The following IL7 variants were observed in gnomAD, a reference collection of about 807,000 sequenced individuals.
The protein encoded by IL7 is interleukin-7.
A neutral mutation model predicts 21.6 loss-of-function variants in IL7; 3 were observed. That is an observed-to-expected ratio of 0.14 (90% CI 0.06 to 0.36). IL7 has a LOEUF of 0.36. IL7 is among the 10% of genes least tolerant of loss of function. The probability of loss-of-function intolerance (pLI) is 1.00; values close to 1 mark genes in which losing one functional copy is unlikely to be tolerated. For missense variants in IL7, 175 were observed against 200.2 expected, an observed-to-expected ratio of 0.87 and a Z score of 0.76; for synonymous variants, 62 against 68.1, an observed-to-expected ratio of 0.91 and a Z score of 0.44.
In IL7 at chr8:78,805,222, TG is replaced by T; in HGVS notation, c.-301del. ...GCGCTTGGTCTGCAGGTTCAATCTTTGGGATCATCAGCATGGAATCTTCATT... is the reference window on the plus strand; with the variant it reads ...GCGCTTGGTCTGCAGGTTCAATCTTTGGATCATCAGCATGGAATCTTCATT... On this transcript the variant is annotated 5_prime_UTR_variant, in exon 1 of 6. The change abolishes the stop of an existing upstream ORF in the 5' untranslated region. Transcript: ENST00000263851. 5.8e-6 allele frequency: 2 copies of T among 347,456 alleles called. No individual in the cohort carries two copies. 21.5% of individuals were successfully genotyped at this position (347,456 alleles called of 1,614,324 possible). A position where few individuals can be genotyped will look rare whatever the true frequency, so the allele number is the denominator to read the frequency against.
At chr8:78,769,311 A>C (rs1225009321) in intron 2 of IL7, among the ~76,000 whole-genome samples, 1 of 152,164 alleles carries the variant, frequency 6.6e-6, no homozygotes, top group Non-Finnish European at 1.5e-5. Context: ...AAATCTCCTT[A>C]AGCTGATAGG....
intron 2 of IL7, among the ~76,000 whole-genome samples, chr8:78,795,686 C>T (rs1813830772): frequency 6.6e-6 from 1 of 151,918 alleles, no homozygotes; most frequent in African/African-American, 2.4e-5. Context: ...GTTCTCTGCC[C>T]AGATAACAAA....
chr8:78,689,723 G>C (rs1810147387), intron 3 of IL7, among the ~76,000 whole-genome samples: 1 of 152,028 alleles, frequency 6.6e-6, no homozygotes. Flanking sequence ...TCTTTTCTCA[G>C]ATGTATATTA....
At chr8:78,714,979 A>C (rs1290464342), downstream of IL7, among the ~76,000 whole-genome samples, 1 of 152,212 alleles carries the variant, frequency 6.6e-6, no homozygotes, top group African/African-American at 2.4e-5. Context: ...CATGTAAAGC[A>C]TATATACATA....
chr8:78,798,528 T>G (rs560751163), intron 1 of IL7, among the ~76,000 whole-genome samples: 35 of 152,078 alleles, frequency 2.3e-4, no homozygotes, highest in African/African-American at 8.4e-4. Context: ...AACATCCCCA[T>G]AAGAAAAGGC....
chr8:78,762,503 G>A, intron 2 of IL7: 1 of 1,207,926 alleles, frequency 8.3e-7, no homozygotes. Flanking sequence ...GCCCGTCGGG[G>A]CCGGGGAGGG....
chr8:78,699,749 T>C (rs1449311198), intron 3 of IL7, among the ~76,000 whole-genome samples: 1 of 152,156 alleles, frequency 6.6e-6, no homozygotes, highest in Non-Finnish European at 1.5e-5. Context: ...GTTAGTTTCC[T>C]AAGGATAATG....
rs1812515655 is a variant in IL7 at position 78,760,497 on chromosome 8, A to C, written c.148-20415T>G. On this transcript the variant is annotated intron_variant, in intron 2 of 5. Transcript: ENST00000263851. ...CTGTGTTTCCATTTGATTCCCCAAC[A>C]ATGAAGCTCAGCTGACAGCGTGTCA... 7 of 1,539,042 alleles carry C rather than the reference A, an allele frequency of 4.5e-6. No homozygotes were observed. In the South Asian group the frequency reaches 7.7e-5, roughly 17 times the overall value.
chr8:78,683,079 A>G (rs1363826871), intron 4 of IL7, among the ~76,000 whole-genome samples: 1 of 152,188 alleles, frequency 6.6e-6, no homozygotes, highest in East Asian at 1.9e-4. Flanking sequence ...TGCAGGGTAC[A>G]GCCCCCCTCC....
chr8:78,686,320 AAAATTAT>A, intron 3 of IL7: 1 of 711,770 alleles, frequency 1.4e-6, no homozygotes, highest in East Asian at 3.6e-5. Flanking sequence ...GTTTCTCTTT[AAAATTAT>A]AAATTTGAGA....
chr8:78,747,162 G>T, intron 2 of IL7: 1 of 436,234 alleles, frequency 2.3e-6, no homozygotes, highest in South Asian at 1.6e-5. Flanking sequence ...AAATAAAGTT[G>T]GTCCCTATAG....
chr8:78,792,011 C>T (rs554901707), intron 2 of IL7, among the ~76,000 whole-genome samples: 1 of 152,128 alleles, frequency 6.6e-6, no homozygotes, highest in South Asian at 2.1e-4. Context: ...AAAATAAAAA[C>T]ATAATTGAAA....
At chr8:78,794,211 CA>C (rs1165050012) in intron 2 of IL7, among the ~76,000 whole-genome samples, 2 of 152,084 alleles carry the variant, frequency 1.3e-5, no homozygotes, top group Non-Finnish European at 2.9e-5. Context: ...ATGCTGTTCA[CA>C]AGGTTTCAAT....
downstream of IL7, among the ~76,000 whole-genome samples, chr8:78,729,211 A>G (rs1402667986): frequency 1.3e-5 from 2 of 151,802 alleles, no homozygotes; most frequent in African/African-American, 4.8e-5. Flanking sequence ...TTCTCCACCA[A>G]TCTTTCTGAT....
chr8:78,802,618 A>G (rs1563442487), intron 1 of IL7, among the ~76,000 whole-genome samples: 1 of 152,002 alleles, frequency 6.6e-6, no homozygotes. Flanking sequence ...TTTTTAGTTG[A>G]GACGAGGTTT....
downstream of IL7, among the ~76,000 whole-genome samples, chr8:78,717,123 C>T (rs751319222): frequency 2.0e-5 from 3 of 151,712 alleles, no homozygotes; most frequent in South Asian, 4.2e-4. Context: ...GGTAAATTCT[C>T]GTAACACAGA....
At chr8:78,696,989 G>A (rs1009455227) in intron 3 of IL7, among the ~76,000 whole-genome samples, 1 of 152,076 alleles carries the variant, frequency 6.6e-6, no homozygotes, top group Non-Finnish European at 1.5e-5. Context: ...CCTGTGAACT[G>A]AAAAAGTTGC....
At chr8:78,774,903 AGCTCAACT>A (rs1813081751) in intron 2 of IL7, among the ~76,000 whole-genome samples, 1 of 152,106 alleles carries the variant, frequency 6.6e-6, no homozygotes, top group African/African-American at 2.4e-5. Flanking sequence ...TCTCTGATGA[AGCTCAACT>A]TAAGAAAAAT....
At chr8:78,804,023 A>G (rs1399142211) in intron 1 of IL7, among the ~76,000 whole-genome samples, 2 of 151,876 alleles carry the variant, frequency 1.3e-5, no homozygotes, top group Non-Finnish European at 2.9e-5. Flanking sequence ...AAGCATTCCA[A>G]TTTTCCTAAG....
Sources: allele counts gnomAD v4.1 joint callset (sites outside exome capture counted in the v4.1 genomes callset), GRCh38; gene constraint gnomAD v4.1.1; transcripts MANE v1.5; gene names NCBI Gene and HGNC (gene_info 2026-07-23, HGNC 2026-07-21).